Variants in LYPD6B observed in about 807,000 individuals in gnomAD.
LYPD6B encodes the protein ly6/PLAUR domain-containing protein 6B.
Under a neutral mutation model 22.8 loss-of-function variants are expected in LYPD6B, and 17 were observed. That is an observed-to-expected ratio of 0.75 (90% CI 0.51 to 1.12). The LOEUF (loss-of-function observed/expected upper bound fraction) is 1.12. Ranked by LOEUF, LYPD6B falls within the 50% of genes most tolerant of loss-of-function variation. The pLI is 0.00. For missense variants in LYPD6B, 221 were observed against 258.3 expected (o/e 0.86, Z 0.99); for synonymous variants, 106 against 91.6 (o/e 1.16, Z -0.90).
chr2:149,165,788 CA>C (rs1287362236), intron 3 of LYPD6B, among the ~76,000 whole-genome samples: 5 of 152,148 alleles, frequency 3.3e-5, no homozygotes, highest in Non-Finnish European at 5.9e-5. Context: ...TAATGCTTCT[CA>C]AGTTAATGGA....
rs370685233 is a variant in LYPD6B, at chr2:149,212,998, A to G, written c.335A>G (p.Gln112Arg). ...AEDKWCPQNT[Q>R]YCLTVHHFTS... is the part of the protein sequence containing the mutation. ...TTTGTTTCCTCTTGCCTAGATACAC[A>G]GTACTGTTTGACAGTTCATCACTTC... Residue 112 changes from glutamine (Q) to arginine (R), a missense_variant, in exon 6 of 7, where the codon CAG becomes CGG. Transcript: ENST00000409642. 5 of 1,613,918 alleles carry G rather than the reference A, an allele frequency of 3.1e-6. No homozygotes were observed. The highest frequency in any genetic ancestry group is 1.1e-5 in the South Asian group (1 of 91,078).
At chr2:149,074,101 C>T (rs1452182168) in intron 1 of LYPD6B, among the ~76,000 whole-genome samples, 1 of 152,060 alleles carries the variant, frequency 6.6e-6, no homozygotes, top group East Asian at 1.9e-4. Flanking sequence ...CAAGACATGG[C>T]CAAGTTACGT....
chr2:149,068,057 T>G (rs879063980), intron 1 of LYPD6B, among the ~76,000 whole-genome samples: 2 of 152,134 alleles, frequency 1.3e-5, no homozygotes, highest in Non-Finnish European at 2.9e-5. Flanking sequence ...TTTTCGGGCT[T>G]CTTTATTGAG....
At chr2:149,100,059 A>C (rs1208615768) in intron 1 of LYPD6B, among the ~76,000 whole-genome samples, 1 of 152,116 alleles carries the variant, frequency 6.6e-6, no homozygotes, top group East Asian at 1.9e-4. Context: ...ATTTATACCA[A>C]CTTATTTCCT....
At chr2:149,192,580 C>G (rs775471159) in intron 3 of LYPD6B, among the ~76,000 whole-genome samples, 1 of 151,968 alleles carries the variant, frequency 6.6e-6, no homozygotes, top group Non-Finnish European at 1.5e-5. Context: ...CCTTAATTAC[C>G]CTTGGCACAG....
rs531004094 is a variant in LYPD6B at position 149,146,695 on chromosome 2, G to A, written c.6-14069G>A. Among the ~76,000 whole-genome samples the A allele has an allele frequency of 1.0e-3, 159 of 151,832 alleles. 1 individual carries two copies. Among genetic ancestry groups the A allele is most frequent in the South Asian group, 2.9e-3 (14 of 4,812 alleles). ...CTTGGCCGAACTATGGCTATTGGGG[G>A]CCACTCCTCAGAGACCCCAAATATT... On this transcript the variant is annotated intron_variant, in intron 2 of 6. Transcript: ENST00000409642.
rs369317807 is a variant in LYPD6B at position 149,213,166 on chromosome 2, G to A, written c.459+44G>A. On this transcript the variant is annotated intron_variant, in intron 6 of 6. Coordinates refer to ENST00000409642, the MANE Select transcript of LYPD6B (RefSeq NM_177964.5). ...TGTTATTGTCTAAACTTTCATCCTA[G>A]TAATGTAAGTCGTAGATCAAAGGAG... The A allele has an allele frequency of 1.1e-5, 17 of 1,607,302 alleles. No homozygotes were observed. In the South Asian group the frequency reaches 1.7e-4, roughly 16 times the overall value.
At chr2:149,150,024 G>A (rs907477189) in intron 2 of LYPD6B, among the ~76,000 whole-genome samples, 5 of 152,158 alleles carry the variant, frequency 3.3e-5, no homozygotes, top group Non-Finnish European at 5.9e-5. Flanking sequence ...AGTTAAATTA[G>A]TGGTAACAAT....
chr2:149,144,541 G>A (rs1301981930), intron 2 of LYPD6B, among the ~76,000 whole-genome samples: 3 of 151,990 alleles, frequency 2.0e-5, no homozygotes, highest in African/African-American at 7.3e-5. Context: ...ACAGGCACCC[G>A]CCACCACGCC....
chr2:149,161,250 T>C (rs1690047990), intron 3 of LYPD6B, among the ~76,000 whole-genome samples: 1 of 152,212 alleles, frequency 6.6e-6, no homozygotes, highest in South Asian at 2.1e-4. Flanking sequence ...TTAGAACATG[T>C]GTGCACTAAT....
In LYPD6B at chr2:149,175,061, C is replaced by CTGTGTG. The variant is rs1330239336; in HGVS notation, c.77+14246_77+14251dup. On this transcript the variant is annotated intron_variant, in intron 3 of 6. Coordinates refer to ENST00000409642, the MANE Select transcript of LYPD6B (RefSeq NM_177964.5). Reference sequence around the variant, plus strand: ...TCTCTCTCTCTCTCTCTCTCTCTCTCTGTGTGTGTGTGTGTGTGTGTGTGT... The same window carrying CTGTGTG: ...TCTCTCTCTCTCTCTCTCTCTCTCTCTGTGTGTGTGTGTGTGTGTGTGTGTGTGTGT... Among the ~76,000 whole-genome samples the CTGTGTG allele has an allele frequency of 3.3e-3, 368 of 113,026 alleles. 5 individuals are homozygous for CTGTGTG. The highest frequency in any genetic ancestry group is 6.4e-3 in the East Asian group (22 of 3,442). The allele number at this position is 113,026 out of a possible 152,430, so 74.1% of individuals were successfully genotyped here.
intron 3 of LYPD6B, among the ~76,000 whole-genome samples, chr2:149,168,534 A>T (rs971393126): frequency 6.6e-6 from 1 of 152,192 alleles, no homozygotes; most frequent in African/African-American, 2.4e-5. Context: ...CGACAAGCCC[A>T]TGCCTGATTT....
intron 1 of LYPD6B, among the ~76,000 whole-genome samples, chr2:149,065,246 C>T (rs190101848): frequency 9.5e-4 from 145 of 152,328 alleles, no homozygotes; most frequent in Admixed American, 3.1e-3. Context: ...TTGAAAACTA[C>T]TGTCAAAAGA....
chr2:149,195,521 C>T (rs1692754039), intron 3 of LYPD6B, among the ~76,000 whole-genome samples: 1 of 152,226 alleles, frequency 6.6e-6, no homozygotes, highest in South Asian at 2.1e-4. Context: ...AATGGAAATG[C>T]TCCAGTGAAG....
At chr2:149,183,156 G>A (rs1691853942) in intron 3 of LYPD6B, among the ~76,000 whole-genome samples, 1 of 152,180 alleles carries the variant, frequency 6.6e-6, no homozygotes, top group African/African-American at 2.4e-5. Context: ...TCCCTTTCAA[G>A]CTTGATGTAT....
chr2:149,198,216 A>G (rs1457942130), intron 3 of LYPD6B, among the ~76,000 whole-genome samples: 2 of 151,656 alleles, frequency 1.3e-5, no homozygotes, highest in African/African-American at 2.4e-5. Context: ...TAATTTTTGT[A>G]TTTTTTAAGT....
At chr2:149,191,910 G>A (rs1692519381) in intron 3 of LYPD6B, among the ~76,000 whole-genome samples, 1 of 152,174 alleles carries the variant, frequency 6.6e-6, no homozygotes, top group Admixed American at 6.5e-5. Flanking sequence ...GGAGGAAGAG[G>A]AGCCAGCAAA....
intron 3 of LYPD6B, among the ~76,000 whole-genome samples, chr2:149,163,753 A>G (rs1690243236): frequency 6.6e-6 from 1 of 152,176 alleles, no homozygotes; most frequent in African/African-American, 2.4e-5. Flanking sequence ...TCACAGTAAA[A>G]TCAAAGCTTA....
chr2:149,091,797 A>G (rs1325014006), intron 1 of LYPD6B, among the ~76,000 whole-genome samples: 1 of 152,236 alleles, frequency 6.6e-6, no homozygotes, highest in East Asian at 1.9e-4. Flanking sequence ...AATAAAATGT[A>G]GAGAAGTTAC....
Sources: allele counts gnomAD v4.1 joint callset (sites outside exome capture counted in the v4.1 genomes callset), GRCh38; gene constraint gnomAD v4.1.1; transcripts MANE v1.5; gene names NCBI Gene and HGNC (gene_info 2026-07-23, HGNC 2026-07-21).